The following ZNF407 variants were observed in gnomAD, a reference collection of about 807,000 sequenced individuals.
ZNF407 encodes zinc finger protein 407.
A neutral mutation model predicts 131.2 loss-of-function variants in ZNF407; 17 were observed. The observed-to-expected ratio is 0.13, with a 90% confidence interval of 0.09 to 0.19. The LOEUF (loss-of-function observed/expected upper bound fraction) is 0.19. Among genes scored for constraint, ZNF407 ranks in the 10% least tolerant of loss-of-function variants. The pLI, the probability that ZNF407 is intolerant of heterozygous loss-of-function variation, is 1.00. For synonymous variants in ZNF407, 1,156 were observed against 1,062.0 expected, an observed-to-expected ratio of 1.09 and a Z score of -1.72; for missense variants, 2,681 against 2,830.6, an observed-to-expected ratio of 0.95 and a Z score of 1.20.
chr18:74,902,209 C>T (rs1047831343), intron 7 of ZNF407, among the ~76,000 whole-genome samples: 1 of 152,180 alleles, frequency 6.6e-6, no homozygotes, highest in African/African-American at 2.4e-5. Context: ...TGCTGGCCTG[C>T]GTGGAGGTTT....
chr18:74,912,539 G>A (rs1054176589), intron 7 of ZNF407, among the ~76,000 whole-genome samples: 5 of 152,108 alleles, frequency 3.3e-5, no homozygotes, highest in African/African-American at 1.2e-4. Flanking sequence ...AAGTCAGTGG[G>A]GAAAATCTGA....
intron 8 of ZNF407, among the ~76,000 whole-genome samples, chr18:75,019,903 A>C (rs1973087393): frequency 6.6e-6 from 1 of 152,106 alleles, no homozygotes. Context: ...CATCACAAGA[A>C]CAGCAAGGGG....
At chr18:74,880,911 T>C (rs1262970526) in intron 5 of ZNF407, 125 bp from the exon 6 acceptor site, 1 of 818,046 alleles carries the variant, frequency 1.2e-6, no homozygotes, top group Non-Finnish European at 2.0e-6. Flanking sequence ...GGTAATTTCA[T>C]TCCCATTTGA....
intron 8 of ZNF407, among the ~76,000 whole-genome samples, chr18:75,012,741 T>C (rs1972995248): frequency 6.6e-6 from 1 of 152,020 alleles, no homozygotes; most frequent in Admixed American, 6.6e-5. Context: ...CCATTTTTTG[T>C]AGAAATGTTA....
intron 8 of ZNF407, among the ~76,000 whole-genome samples, chr18:74,993,004 A>C (rs1162531177): frequency 6.6e-6 from 1 of 152,228 alleles, no homozygotes; most frequent in African/African-American, 2.4e-5. Flanking sequence ...ATGGAGGAGC[A>C]TCTGGAATTG....
At chr18:74,734,541 A>G (rs2144903327) in intron 3 of ZNF407, among the ~76,000 whole-genome samples, 1 of 152,276 alleles carries the variant, frequency 6.6e-6, no homozygotes, top group South Asian at 2.1e-4. Flanking sequence ...TTTAATTTAA[A>G]ATGAGACTGT....
intron 8 of ZNF407, among the ~76,000 whole-genome samples, chr18:74,939,036 G>A (rs992999546): frequency 1.3e-5 from 2 of 152,318 alleles, no homozygotes; most frequent in Non-Finnish European, 2.9e-5. Flanking sequence ...AATCTAAGGT[G>A]TGAGGCGACC....
intron 4 of ZNF407, among the ~76,000 whole-genome samples, chr18:74,858,096 C>T (rs915921677): frequency 6.9e-6 from 1 of 144,066 alleles, no homozygotes; most frequent in Non-Finnish European, 1.5e-5. Context: ...TTCCTTCCTT[C>T]CTCCCTTCCT....
At position 74,815,105 on chromosome 18, in the gene ZNF407, G is replaced by A. The variant is rs570406843; in HGVS notation, c.4877+33603G>A. ...AAAATAAATGGATCATATTTTATCA[G>A]TAGAATTTTTGGTAGGATTATAACC... is the stretch of plus-strand genomic sequence containing the variant. On this transcript the variant is annotated intron_variant, in intron 4 of 8. Transcript: ENST00000299687. 2.2e-4 allele frequency among the ~76,000 whole-genome samples: 34 copies of A among 151,878 alleles called. No individual in the cohort carries two copies. In the East Asian group the frequency reaches 4.1e-3, roughly 18 times the overall value.
At position 74,981,727 on chromosome 18, in the gene ZNF407, T is replaced by C. The variant is rs74606146; in HGVS notation, c.5428+61035T>C. Among the ~76,000 whole-genome samples the C allele has an allele frequency of 0.016, 2,410 of 152,334 alleles. 135 individuals are homozygous for C. In the East Asian group the frequency reaches 0.18, roughly 11 times the overall value. On this transcript the variant is annotated intron_variant, in intron 8 of 8. Coordinates refer to ENST00000299687, the MANE Select transcript of ZNF407 (RefSeq NM_017757.3). Reference sequence around the variant, plus strand: ...AGCCACACACATGGAGACCCAAGCGTTGATCTCTGAGAAGAGTCCTGAGCA... The same window carrying C: ...AGCCACACACATGGAGACCCAAGCGCTGATCTCTGAGAAGAGTCCTGAGCA...
chr18:74,730,000 A>G (rs907092077), intron 3 of ZNF407, among the ~76,000 whole-genome samples: 6 of 152,190 alleles, frequency 3.9e-5, no homozygotes, highest in East Asian at 3.9e-4. Flanking sequence ...ATCTCGTCCA[A>G]TAGCGTTGGA....
chr18:74,634,809 G>A lies in ZNF407; in HGVS notation c.3790G>A (p.Val1264Met). 1 of 1,613,984 alleles carries A rather than the reference G, an allele frequency of 6.2e-7. No individual in the cohort carries two copies. The highest frequency in any genetic ancestry group is 8.5e-7 in the Non-Finnish European group (1 of 1,179,882). ...TGGGGAGCGCTCGGCTGAAAGCCCT[G>A]TGCTCGTTGTGACAAGAATAACCAG... is the stretch of plus-strand genomic sequence containing the variant. Reference protein sequence around the residue: ...LDGERSAESPVLVVTRITREQ... With the variant: ...LDGERSAESPMLVVTRITREQ... Residue 1264 changes from valine to methionine, a missense_variant, in exon 2 of 9, where the codon GTG becomes ATG. Val to Met is a conservative substitution (Grantham distance 21). Around this residue, in one of 6 missense-constraint regions of ZNF407, gnomAD observed 1,789 missense variants for 1,748.7 expected, o/e 1.02. Coordinates refer to ENST00000299687, the MANE Select transcript of ZNF407 (RefSeq NM_017757.3).
intron 8 of ZNF407, among the ~76,000 whole-genome samples, chr18:75,037,852 T>C (rs1973327683): frequency 6.6e-6 from 1 of 152,138 alleles, no homozygotes; most frequent in Non-Finnish European, 1.5e-5. Flanking sequence ...GTGTCCCTTC[T>C]CAGGGGGGCA....
rs78000575 is a variant in ZNF407 at position 74,761,446 on chromosome 18, C to T, written c.4803-19982C>T. On this transcript the variant is annotated intron_variant, in intron 3 of 8. Coordinates refer to ENST00000299687, the MANE Select transcript of ZNF407 (RefSeq NM_017757.3). Reference sequence around the variant, plus strand: ...TTAGCACAATTTTTTTTACAAAGCACATTGTCTGAAAATATTTATTAATTG... The same window carrying T: ...TTAGCACAATTTTTTTTACAAAGCATATTGTCTGAAAATATTTATTAATTG... 7.2e-5 allele frequency among the ~76,000 whole-genome samples: 11 copies of T among 151,914 alleles called. 1 individual carries two copies. The highest frequency in any genetic ancestry group is 6.6e-4 in the Admixed American group (10 of 15,250).
At chr18:75,057,975 T>TGGGAACAA (rs1281318355) in intron 8 of ZNF407, among the ~76,000 whole-genome samples, 2 of 152,142 alleles carry the variant, frequency 1.3e-5, no homozygotes, top group Non-Finnish European at 2.9e-5. Context: ...AACAAAAGCG[T>TGGGAACAA]AAGGTATTTA....
In ZNF407 at chr18:74,731,995, GA is replaced by G. The variant is rs539868473; in HGVS notation, c.4803-49432del. ...CTTAATGGGAGTGTCTCATTTTACAGAGTTAAAGCCTCAGAGAGGTAAAGAG... is the reference window on the plus strand; with the variant it reads ...CTTAATGGGAGTGTCTCATTTTACAGGTTAAAGCCTCAGAGAGGTAAAGAG... On this transcript the variant is annotated intron_variant, in intron 3 of 8. Coordinates refer to ENST00000299687, the MANE Select transcript of ZNF407 (RefSeq NM_017757.3). 2.6e-3 allele frequency among the ~76,000 whole-genome samples: 394 copies of G among 152,216 alleles called. 1 individual carries two copies. Among genetic ancestry groups the G allele is most frequent in the African/African-American group, 9.1e-3 (376 of 41,518 alleles).
At chr18:74,724,188 T>A (rs1968104149) in intron 3 of ZNF407, among the ~76,000 whole-genome samples, 1 of 152,206 alleles carries the variant, frequency 6.6e-6, no homozygotes, top group African/African-American at 2.4e-5. Flanking sequence ...TTTATTTTAT[T>A]TTTTGTTCAA....
intron 3 of ZNF407, among the ~76,000 whole-genome samples, chr18:74,745,567 A>G (rs548863314): frequency 3.3e-5 from 5 of 152,324 alleles, no homozygotes; most frequent in African/African-American, 7.2e-5. Context: ...GCTTGAAACT[A>G]TCTTCTTGCC....
At chr18:74,895,214 T>TTG (rs1331033798) in intron 7 of ZNF407, among the ~76,000 whole-genome samples, 8 of 152,030 alleles carry the variant, frequency 5.3e-5, no homozygotes, top group African/African-American at 1.7e-4. Flanking sequence ...TTAAGAGGTT[T>TTG]TTTTTTTTTC....
Sources: gnomAD v4.1 joint callset for allele counts (sites outside exome capture counted in the v4.1 genomes callset) on GRCh38, gnomAD v4.1.1 for gene constraint, gnomAD v4.1.1 regional missense constraint, MANE v1.5 for transcripts, NCBI Gene and HGNC (gene_info 2026-07-23, HGNC 2026-07-21) for gene names.